Variants in MYO1C observed in about 807,000 individuals in gnomAD.
MYO1C encodes myosin IC.
MYO1C carries 104 observed loss-of-function variants against 150.8 expected under a neutral mutation model. The ratio of observed to expected loss-of-function variants is 0.69; its 90% CI spans 0.59 to 0.81. MYO1C has a LOEUF of 0.81. Among genes scored for constraint, MYO1C ranks in the 30% least tolerant of loss-of-function variants. MYO1C has a pLI of 0.00. For synonymous variants in MYO1C, 663 were observed against 579.9 expected (o/e 1.14, Z -2.06); for missense variants, 1,504 against 1,435.0 (o/e 1.05, Z -0.78).
chr17:1,472,799 TAAG>T (rs1333582223), intron 17 of MYO1C, among the ~76,000 whole-genome samples: 2 of 151,418 alleles, frequency 1.3e-5, no homozygotes, highest in African/African-American at 4.9e-5. Flanking sequence ...CTTTAAAGGA[TAAG>T]GAGGAGGGGC....
chr17:1,468,843 G>T, intron 25 of MYO1C: 1 of 418,926 alleles, frequency 2.4e-6, no homozygotes, highest in Non-Finnish European at 4.5e-6. Context: ...TTACTGGGTG[G>T]GCCCTTTAGC....
At position 1,492,465 on chromosome 17, in the gene MYO1C, A is replaced by G; in HGVS notation, c.23T>C (p.Val8Ala). 6.2e-7 allele frequency: 1 copy of G among 1,606,262 alleles called. No homozygotes were observed. The highest frequency in any genetic ancestry group is 1.1e-5 in the South Asian group (1 of 89,672). ...CACGCGGATGATCTCCCCGGTGGGT[A>G]CCAGCTCCACTTGCAGCGCCATTCC... MALQVEL[V>A]PTGEIIRVVH... The change falls in exon 1 of 32, where the codon GTA becomes GCA. Residue 8 changes from valine to alanine, a missense_variant. Physicochemically the swap from Val to Ala is moderately conservative, Grantham distance 64. Coordinates refer to ENST00000648651, the MANE Select transcript of MYO1C (RefSeq NM_001080779.2).
chr17:1,469,604 A>T lies in MYO1C; in HGVS notation c.2537T>A (p.Leu846His). 1.9e-6 allele frequency: 3 copies of T among 1,612,180 alleles called. No individual in the cohort carries two copies. The highest frequency in any genetic ancestry group is 1.7e-6 in the Non-Finnish European group (2 of 1,179,076). ...PPPALREASE[L>H]LRELCIKNMV... is the part of the protein sequence containing the mutation. ...GTTCTTTATGCACAACTCCCGCAGA[A>T]GCTCTGAGGCCTAAGGGGAGGAGTG... Residue 846 changes from leucine (L) to histidine (H), a missense_variant, in exon 25 of 32, where the codon CTT (leucine) becomes CAT (histidine). By Grantham distance (99) the Leu-to-His change is moderately conservative (BLOSUM62 -3). Coordinates refer to ENST00000648651, the MANE Select transcript of MYO1C (RefSeq NM_001080779.2).
rs543008347 is a variant in MYO1C at position 1,470,121 on chromosome 17, C to T, written c.2526+54G>A. 6.2e-5 allele frequency: 96 copies of T among 1,541,980 alleles called. 2 individuals are homozygous for T. The South Asian group carries it at 1.1e-3, about 17-fold the overall frequency. ...AATCCTTTGGCCCGAAGAAATCAGA[C>T]CCTTCTGCTGTGTACTATGATGGTC... On this transcript the variant is annotated intron_variant, in intron 24 of 31. Transcript: ENST00000648651.
Position 1,479,543 on chromosome 17 carries a change from A to G in MYO1C, c.1021-41T>C. The G allele has an allele frequency of 1.3e-5, 12 of 955,576 alleles. No individual in the cohort carries two copies. The highest frequency in any genetic ancestry group is 1.7e-5 in the Non-Finnish European group (10 of 606,022). The allele number at this position is 955,576 out of a possible 1,614,324, so 59.2% of individuals were successfully genotyped here. Reference sequence around the variant, plus strand: ...GAGGACACGGTGAGGGTGCACCCCCAGCCCCCGCCCCCGCCGTCCTCCCGT... The same window carrying G: ...GAGGACACGGTGAGGGTGCACCCCCGGCCCCCGCCCCCGCCGTCCTCCCGT... On this transcript the variant is annotated intron_variant, in intron 8 of 31. Transcript: ENST00000648651. The surrounding 1 kb of genome is among the most constrained non-coding windows in gnomAD (Gnocchi z 4.2).
At chr17:1,475,660 A>G (rs2074390630) in intron 14 of MYO1C, among the ~76,000 whole-genome samples, 1 of 152,266 alleles carries the variant, frequency 6.6e-6, no homozygotes, top group African/African-American at 2.4e-5. Context: ...TGCTGCCCCA[A>G]GAGAGCACTT....
intron 1 of MYO1C, among the ~76,000 whole-genome samples, chr17:1,490,732 A>G (rs1434706302): frequency 6.6e-6 from 1 of 151,864 alleles, no homozygotes; most frequent in African/African-American, 2.4e-5. Context: ...GACCCTGCCT[A>G]TGAACTCCCG....
chr17:1,471,125 G>C lies in MYO1C; in HGVS notation c.2158C>G (p.Pro720Ala). The C allele has an allele frequency of 6.2e-7, 1 of 1,614,150 alleles. No individual in the cohort carries two copies. The highest frequency in any genetic ancestry group is 2.2e-5 in the East Asian group (1 of 44,886). The change falls in exon 21 of 32, where the codon CCC becomes GCC. Residue 720 changes from proline to alanine, a missense_variant. Pro to Ala is a conservative substitution (Grantham distance 27, BLOSUM62 -1). Coordinates refer to ENST00000648651, the MANE Select transcript of MYO1C (RefSeq NM_001080779.2). ...TCCTCTGTGGCAAACAGGGTCTTGG[G>C]GAAGCGGATGAAGATCTTGGTCCTG... ...MGRTKIFIRF[P>A]KTLFATEDAL... is the part of the protein sequence containing the mutation.
chr17:1,469,331 A>G (rs2074247527), intron 25 of MYO1C, 200 bp downstream of exon 25: 1 of 522,076 alleles, frequency 1.9e-6, no homozygotes. Flanking sequence ...ACCGAGATAA[A>G]TACGGTAGGC....
chr17:1,485,105 G>C (rs1567535024), intron 1 of MYO1C: 1 of 1,238,472 alleles, frequency 8.1e-7, no homozygotes, highest in Non-Finnish European at 1.0e-6. Context: ...AGAAGCCTCA[G>C]GGGATGGGGG....
intron 7 of MYO1C, 91 bp downstream of exon 7, chr17:1,480,436 G>A (rs1047179106): frequency 8.7e-7 from 1 of 1,155,900 alleles, no homozygotes; most frequent in Non-Finnish European, 1.3e-6. Flanking sequence ...CAACAAGAAT[G>A]AAACTCCGTC....
At position 1,465,730 on chromosome 17, in the gene MYO1C, C is replaced by T. The variant is rs762820856; in HGVS notation, c.3188G>A (p.Arg1063Gln). Residue 1063 changes from arginine (R) to glutamine (Q), a missense_variant, in exon 32 of 32, where the codon CGG becomes CAG. Physicochemically the swap from Arg to Gln is conservative, Grantham distance 43. Transcript: ENST00000648651. ...AGGGTCCAGTGGGCGCCTTTATCAC[C>T]GAGAATTCAGCCGTGGGGCGACCTG... ...LAVVAPRLNS[R>Q] is the part of the protein sequence containing the mutation. 10 of 1,325,844 alleles carry T rather than the reference C, an allele frequency of 7.5e-6. No individual in the cohort carries two copies. In the South Asian group the frequency reaches 1.4e-4, roughly 18 times the overall value. The allele number at this position is 1,325,844 out of a possible 1,614,324, so 82.1% of individuals were successfully genotyped here. A position where few individuals can be genotyped will look rare whatever the true frequency, so the allele number is the denominator to read the frequency against.
chr17:1,483,327 TG>T (rs138941335), intron 3 of MYO1C, among the ~76,000 whole-genome samples: 1,609 of 87,488 alleles, frequency 0.018, 30 homozygotes, highest in African/African-American at 0.066. Flanking sequence ...CGGGTAGGGC[TG>T]GGGGGGGTCT....
Position 1,478,866 on chromosome 17 carries a change from GA to G in MYO1C, c.1093-132del, listed in dbSNP as rs539808967. On this transcript the variant is annotated intron_variant, in intron 9 of 31. Coordinates refer to ENST00000648651, the MANE Select transcript of MYO1C (RefSeq NM_001080779.2). The surrounding 1 kb of genome is among the most constrained non-coding windows in gnomAD (Gnocchi z 6.3). ...AGCTCCAGCAAGCCTGCAGTATGGG[GA>G]GGGGTGCTGGTAGTGGGACCTCAGG... The G allele has an allele frequency of 4.7e-4, 675 of 1,443,150 alleles. 8 individuals are homozygous for G. In the South Asian group the frequency reaches 7.6e-3, roughly 16 times the overall value. 89.4% of individuals were successfully genotyped at this position (1,443,150 alleles called of 1,614,324 possible).
chr17:1,488,557 C>A (rs571817273), intron 1 of MYO1C, among the ~76,000 whole-genome samples: 13 of 152,364 alleles, frequency 8.5e-5, no homozygotes, highest in African/African-American at 3.1e-4. Flanking sequence ...GAACTTGAGG[C>A]TGGGCAGGTG....
rs143928694 is a variant in MYO1C at position 1,480,776 on chromosome 17, C to A, written c.737G>T (p.Gly246Val). 9 of 1,614,050 alleles carry A rather than the reference C, an allele frequency of 5.6e-6. No individual in the cohort carries two copies. The East Asian group carries it at 1.6e-4, about 28-fold the overall frequency. ...CCTGCGAAGAGTCTCCTCCTCGCCC[C>A]CCTCCAGCAGCTGGTAGAAGATGTG... ...NFHIFYQLLEGGEEETLRRLG... is the reference protein window; with the variant it reads ...NFHIFYQLLEVGEEETLRRLG... Residue 246 changes from glycine (G) to valine (V), a missense_variant, in exon 6 of 32, where the codon GGG (glycine) becomes GTG (valine). Gly to Val is a moderately radical substitution (Grantham distance 109). Transcript: ENST00000648651.
Position 1,465,527 on chromosome 17 carries a change from C to T in MYO1C, c.*199G>A. ...GCCCTGGCTTTCCTATTGCTGTGGCCCGGCCTGGCCCACTCCTGGGGTAGC... is the reference window on the plus strand; with the variant it reads ...GCCCTGGCTTTCCTATTGCTGTGGCTCGGCCTGGCCCACTCCTGGGGTAGC... On this transcript the variant is annotated 3_prime_UTR_variant, in exon 32 of 32. Transcript: ENST00000648651. The T allele has an allele frequency of 2.0e-6, 1 of 489,020 alleles. No homozygotes were observed. The highest frequency in any genetic ancestry group is 3.3e-6 in the Non-Finnish European group (1 of 298,824). The allele number at this position is 489,020 out of a possible 1,614,324, so 30.3% of individuals were successfully genotyped here.
At chr17:1,476,454 C>T (rs978190416) in intron 14 of MYO1C, among the ~76,000 whole-genome samples, 3 of 152,176 alleles carry the variant, frequency 2.0e-5, no homozygotes, top group Non-Finnish European at 4.4e-5. Flanking sequence ...GGATGACAGG[C>T]GTGAGCCACC....
Position 1,472,114 on chromosome 17 carries a change from G to T in MYO1C, c.1903+9C>A. On this transcript the variant is annotated intron_variant, in intron 18 of 31. Coordinates refer to ENST00000648651, the MANE Select transcript of MYO1C (RefSeq NM_001080779.2). ...CCCGGCCCCGAAGTCCCCCGTGGGA[G>T]GGGCCTACCGGGCTGTTTGGCATCA... 6.2e-7 allele frequency: 1 copy of T among 1,613,960 alleles called. No homozygotes were observed. Among genetic ancestry groups the T allele is most frequent in the Non-Finnish European group, 8.5e-7 (1 of 1,179,878 alleles).
Sources: allele counts gnomAD v4.1 joint callset (sites outside exome capture counted in the v4.1 genomes callset), GRCh38; gene constraint gnomAD v4.1.1; non-coding constraint Gnocchi (gnomAD v3.1); transcripts MANE v1.5; gene names NCBI Gene and HGNC (gene_info 2026-07-23, HGNC 2026-07-21).